Variants in DCDC1 observed in about 807,000 individuals in gnomAD.
DCDC1 encodes doublecortin domain containing 1, also known as doublecortin domain-containing protein 1.
A neutral mutation model predicts 178.3 loss-of-function variants in DCDC1; 200 were observed. The ratio of observed to expected loss-of-function variants is 1.12; its 90% CI spans 1.00 to 1.26. The LOEUF is 1.26. Among genes scored for constraint, DCDC1 ranks in the 50% most tolerant of loss-of-function variants. The pLI is 0.00. For synonymous variants in DCDC1, 690 were observed against 604.8 expected (o/e 1.14, Z -2.07); for missense variants, 1,983 against 1,749.2 (o/e 1.13, Z -2.38).
At chr11:31,094,635 T>C (rs1958034596) in intron 15 of DCDC1, among the ~76,000 whole-genome samples, 1 of 152,038 alleles carries the variant, frequency 6.6e-6, no homozygotes. Flanking sequence ...ACAGGAGTAA[T>C]AAAGAATAAA....
intron 6 of DCDC1, among the ~76,000 whole-genome samples, chr11:31,292,571 T>C (rs906448115): frequency 3.3e-5 from 5 of 152,068 alleles, no homozygotes; most frequent in Admixed American, 3.3e-4. Context: ...GGTACATCTA[T>C]AAAAACAGAA....
chr11:30,995,784 A>C (rs910636782), intron 20 of DCDC1, among the ~76,000 whole-genome samples: 1 of 152,178 alleles, frequency 6.6e-6, no homozygotes, highest in Non-Finnish European at 1.5e-5. Flanking sequence ...AGTAAACCAA[A>C]ATGGATCACA....
chr11:31,361,556 A>G (rs1951709967), intron 1 of DCDC1, among the ~76,000 whole-genome samples: 1 of 152,000 alleles, frequency 6.6e-6, no homozygotes, highest in Non-Finnish European at 1.5e-5. Flanking sequence ...ATCTCAACTC[A>G]CTGCAACCTC....
At chr11:31,197,556 C>T (rs1970829476) in intron 9 of DCDC1, among the ~76,000 whole-genome samples, 1 of 152,028 alleles carries the variant, frequency 6.6e-6, no homozygotes, top group African/African-American at 2.4e-5. Flanking sequence ...ACCTGAAGGT[C>T]ACATCTGTGC....
intron 7 of DCDC1, among the ~76,000 whole-genome samples, chr11:31,277,981 T>C (rs1390285893): frequency 1.3e-5 from 2 of 152,120 alleles, no homozygotes; most frequent in African/African-American, 4.8e-5. Flanking sequence ...CTACCCAAGG[T>C]TAAAAAGATT....
chr11:31,148,644 G>T lies in DCDC1; in HGVS notation c.1222-10860C>A, dbSNP rs1964758892. On this transcript the variant is annotated intron_variant, in intron 9 of 38. Coordinates refer to ENST00000684477, the MANE Select transcript of DCDC1 (RefSeq NM_001387274.1). The stretch of plus-strand genomic sequence containing the variant: ...TCTTTTAAAATGGTTGTTATGCTTT[G>T]GTTTGCTGATTATCAAATATTATGA... 2.0e-5 allele frequency among the ~76,000 whole-genome samples: 3 copies of T among 151,784 alleles called. No homozygotes were observed. The South Asian group carries it at 6.2e-4, about 32-fold the overall frequency.
At chr11:31,328,372 C>T (rs1462317842) in intron 2 of DCDC1, 86 bp from the exon 3 acceptor site, 5 of 1,321,758 alleles carry the variant, frequency 3.8e-6, no homozygotes, top group Non-Finnish European at 5.1e-6. Context: ...ACACAACTTA[C>T]TTGTCATCAT....
intron 20 of DCDC1, among the ~76,000 whole-genome samples, chr11:31,058,969 A>G (rs893637483): frequency 3.3e-5 from 5 of 152,082 alleles, no homozygotes; most frequent in African/African-American, 4.8e-5. Flanking sequence ...GGGGGCTGCA[A>G]GTTTGAAGAA....
At chr11:31,225,366 T>A (rs1211696718) in intron 9 of DCDC1, among the ~76,000 whole-genome samples, 1 of 128,558 alleles carries the variant, frequency 7.8e-6, no homozygotes, top group Non-Finnish European at 1.6e-5. Context: ...TTTGGGGACA[T>A]GGGGGAAAGT....
chr11:30,918,576 G>A (rs1431378752), intron 25 of DCDC1, among the ~76,000 whole-genome samples: 5 of 152,184 alleles, frequency 3.3e-5, no homozygotes, highest in Non-Finnish European at 7.4e-5. Context: ...GAGAGGTGAT[G>A]TTTGAATTGA....
intron 38 of DCDC1, among the ~76,000 whole-genome samples, chr11:30,866,372 C>T (rs1399347068): frequency 1.3e-5 from 2 of 152,062 alleles, no homozygotes; most frequent in Non-Finnish European, 2.9e-5. Context: ...CATATGGTGC[C>T]TGGTTCCAAT....
chr11:31,042,867 C>A (rs1227909451), intron 20 of DCDC1, among the ~76,000 whole-genome samples: 1 of 152,086 alleles, frequency 6.6e-6, no homozygotes, highest in Non-Finnish European at 1.5e-5. Context: ...GTGCACATGA[C>A]CTGGATCTAA....
At chr11:31,341,845 A>ACACACACAC (rs1950567324) in intron 1 of DCDC1, among the ~76,000 whole-genome samples, 1 of 149,934 alleles carries the variant, frequency 6.7e-6, no homozygotes, top group African/African-American at 2.5e-5. Context: ...ACACACACAC[A>ACACACACAC]TTTTTTTTGG....
intron 15 of DCDC1, among the ~76,000 whole-genome samples, chr11:31,097,924 T>G (rs1380665008): frequency 6.6e-6 from 1 of 152,216 alleles, no homozygotes. Context: ...TAATTATGAA[T>G]GCATTCTACT....
At chr11:30,941,389 T>C (rs1565102715) in intron 21 of DCDC1, among the ~76,000 whole-genome samples, 1 of 152,100 alleles carries the variant, frequency 6.6e-6, no homozygotes, top group Non-Finnish European at 1.5e-5. Context: ...TACCTCCTAT[T>C]TTCTCTCTGA....
rs1233309417 is a variant in DCDC1, at chr11:31,240,339, T to C, written c.1221+1111A>G. ...GTATTATTATGAATAGTCTTATCTA[T>C]GATAATTATAATCCTGTTTCTGGAT... On this transcript the variant is annotated intron_variant, in intron 9 of 38. Transcript: ENST00000684477. 4.6e-5 allele frequency among the ~76,000 whole-genome samples: 7 copies of C among 152,176 alleles called. 1 individual carries two copies. The East Asian group carries it at 7.7e-4, about 17-fold the overall frequency.
chr11:31,245,950 A>C (rs999657434), intron 8 of DCDC1, among the ~76,000 whole-genome samples: 3 of 151,870 alleles, frequency 2.0e-5, no homozygotes, highest in Admixed American at 1.3e-4. Context: ...CATGATAAGG[A>C]ACCAAAAATC....
chr11:31,038,940 G>A (rs1348023599), intron 20 of DCDC1, among the ~76,000 whole-genome samples: 2 of 151,930 alleles, frequency 1.3e-5, no homozygotes, highest in Admixed American at 6.6e-5. Flanking sequence ...TGAAAAAAAG[G>A]GACTTACAAA....
intron 20 of DCDC1, among the ~76,000 whole-genome samples, chr11:31,058,542 A>C (rs1223976058): frequency 6.6e-6 from 1 of 152,134 alleles, no homozygotes; most frequent in Non-Finnish European, 1.5e-5. Flanking sequence ...ATCTCAGAAA[A>C]GGCCATGAAG....
Sources: gnomAD v4.1 joint callset for allele counts (sites outside exome capture counted in the v4.1 genomes callset) on GRCh38, gnomAD v4.1.1 for gene constraint, MANE v1.5 for transcripts, NCBI Gene and HGNC (gene_info 2026-07-23, HGNC 2026-07-21) for gene names.